AUTS2: variants seen among roughly 807,000 people sequenced by gnomAD.
AUTS2 encodes the protein autism susceptibility gene 2 protein.
Under a neutral mutation model 112.4 loss-of-function variants are expected in AUTS2, and 17 were observed. That is an observed-to-expected ratio of 0.15 (90% CI 0.10 to 0.23). AUTS2 has a LOEUF of 0.23. AUTS2 is among the 10% of genes least tolerant of loss of function. The pLI, the probability that AUTS2 is intolerant of heterozygous loss-of-function variation, is 1.00. For missense variants in AUTS2, 1,510 were observed against 1,701.6 expected (o/e 0.89, Z 1.98); for synonymous variants, 751 against 702.7 (o/e 1.07, Z -1.09).
At chr7:70,776,009 C>T (rs1022422776) in intron 13 of AUTS2, among the ~76,000 whole-genome samples, 9 of 152,112 alleles carry the variant, frequency 5.9e-5, no homozygotes, top group Non-Finnish European at 1.0e-4. Context: ...TAACTCATTT[C>T]TAGGGCACAT....
At chr7:70,125,245 ATGTGTGTGTGTGTGTGTG>A (rs59747508) in intron 3 of AUTS2, among the ~76,000 whole-genome samples, 15 of 144,906 alleles carry the variant, frequency 1.0e-4, no homozygotes, top group African/African-American at 2.5e-4. Flanking sequence ...TTATTTGGAG[ATGTGTGTGTGTGTGTGTG>A]TGTGTGTGTG....
intron 1 of AUTS2, among the ~76,000 whole-genome samples, chr7:69,757,222 T>C (rs1787979222): frequency 6.6e-6 from 1 of 152,214 alleles, no homozygotes; most frequent in Non-Finnish European, 1.5e-5. Context: ...TGTCTCTGCT[T>C]TCATGAAGCT....
At position 69,696,639 on chromosome 7, in the gene AUTS2, G is replaced by A. The variant is rs537034445; in HGVS notation, c.309+96677G>A. ...GAGAATGAGGAGATCTTTGCTGAAT[G>A]TCTTTTAGTTGTTTGAGTTGGAGAT... On this transcript the variant is annotated intron_variant, in intron 1 of 18. Coordinates refer to ENST00000342771, the MANE Select transcript of AUTS2 (RefSeq NM_015570.4). Among the ~76,000 whole-genome samples the A allele has an allele frequency of 2.6e-5, 4 of 152,280 alleles. No homozygotes were observed. In the South Asian group the frequency reaches 6.2e-4, roughly 24 times the overall value.
intron 1 of AUTS2, among the ~76,000 whole-genome samples, chr7:69,737,428 G>GGC (rs1787080976): frequency 6.6e-6 from 1 of 152,160 alleles, no homozygotes; most frequent in African/African-American, 2.4e-5. Flanking sequence ...CACCTAGCTA[G>GGC]TAAAAGTCGG....
rs6150156 is a variant in AUTS2, at chr7:69,602,040, A to ATG, written c.309+2130_309+2131dup. ...TGTGTGTATATATATATATATATAT[A>ATG]TGTGTGTGTGTGTGTGTGTGTGTGT... On this transcript the variant is annotated intron_variant, in intron 1 of 18. Coordinates refer to ENST00000342771, the MANE Select transcript of AUTS2 (RefSeq NM_015570.4). 4.4e-3 allele frequency among the ~76,000 whole-genome samples: 202 copies of ATG among 46,240 alleles called. 1 individual carries two copies. Among genetic ancestry groups the ATG allele is most frequent in the Middle Eastern group, 0.014 (1 of 74 alleles). 30.3% of individuals were successfully genotyped at this position (46,240 alleles called of 152,430 possible).
chr7:70,112,721 C>A (rs1024218441), intron 2 of AUTS2, among the ~76,000 whole-genome samples: 1 of 151,782 alleles, frequency 6.6e-6, no homozygotes, highest in African/African-American at 2.4e-5. Flanking sequence ...TTTTCCCTCT[C>A]TCTTTTTTTA....
chr7:69,742,066 T>TGCTG (rs777163942), intron 1 of AUTS2, among the ~76,000 whole-genome samples: 4 of 151,800 alleles, frequency 2.6e-5, no homozygotes, highest in African/African-American at 4.8e-5. Flanking sequence ...CCTCTGAAAG[T>TGCTG]GCTGGGATTA....
intron 2 of AUTS2, among the ~76,000 whole-genome samples, chr7:69,978,395 G>A (rs1328422963): frequency 6.6e-6 from 1 of 152,116 alleles, no homozygotes; most frequent in African/African-American, 2.4e-5. Flanking sequence ...AAAACTGTTA[G>A]CCATTTCAGC....
At chr7:70,287,713 A>G (rs892634716) in intron 4 of AUTS2, among the ~76,000 whole-genome samples, 1 of 152,186 alleles carries the variant, frequency 6.6e-6, no homozygotes, top group Admixed American at 6.5e-5. Flanking sequence ...ATTTTTGCAT[A>G]AAATAACTTG....
intron 1 of AUTS2, among the ~76,000 whole-genome samples, chr7:69,879,026 T>C (rs1302758241): frequency 1.3e-5 from 2 of 152,168 alleles, no homozygotes; most frequent in East Asian, 3.9e-4. Context: ...GGGCTTGTCC[T>C]TTTACTCTGA....
chr7:69,915,391 G>A (rs1217738247), intron 2 of AUTS2, among the ~76,000 whole-genome samples: 1 of 152,090 alleles, frequency 6.6e-6, no homozygotes. Flanking sequence ...AATAAGGTTC[G>A]CACATTTTTC....
intron 4 of AUTS2, among the ~76,000 whole-genome samples, chr7:70,165,971 T>A (rs1011497399): frequency 1.3e-5 from 2 of 152,134 alleles, no homozygotes; most frequent in Non-Finnish European, 2.9e-5. Flanking sequence ...GCGAGTGAGT[T>A]CTCATGAGAT....
intron 5 of AUTS2, among the ~76,000 whole-genome samples, chr7:70,440,211 G>A (rs1721590605): frequency 7.0e-6 from 1 of 142,700 alleles, no homozygotes; most frequent in Admixed American, 7.1e-5. Flanking sequence ...GGGCAACATA[G>A]TGAGGCCCTG....
At chr7:69,856,778 C>G (rs955348733) in intron 1 of AUTS2, among the ~76,000 whole-genome samples, 3 of 152,132 alleles carry the variant, frequency 2.0e-5, no homozygotes, top group African/African-American at 7.2e-5. Context: ...CCTTGTTGTA[C>G]CCTTGTTTCT....
At chr7:70,285,729 T>G (rs1423760611) in intron 4 of AUTS2, among the ~76,000 whole-genome samples, 1 of 152,228 alleles carries the variant, frequency 6.6e-6, no homozygotes, top group Non-Finnish European at 1.5e-5. Context: ...TGTTTGTGTA[T>G]GTCTTTGTAT....
rs117073937 is a variant in AUTS2 at position 69,904,366 on chromosome 7, C to T, written c.522+4868C>T. Among the ~76,000 whole-genome samples, 220 of 152,302 alleles carry T rather than the reference C, an allele frequency of 1.4e-3. 1 individual carries two copies. Among genetic ancestry groups the T allele is most frequent in the East Asian group, 8.7e-3 (45 of 5,180 alleles). On this transcript the variant is annotated intron_variant, in intron 2 of 18. Transcript: ENST00000342771. ...TTTATAATGGAAAACTTTGATTAAA[C>T]GGATCCAGTTCAAGTCTCGTTTCTG...
At chr7:69,722,875 C>A (rs1451885812) in intron 1 of AUTS2, among the ~76,000 whole-genome samples, 8 of 150,682 alleles carry the variant, frequency 5.3e-5, no homozygotes, top group Non-Finnish European at 1.0e-4. Flanking sequence ...AATATGGTAA[C>A]ACCAAAGCAT....
At chr7:70,729,131 C>G (rs1332305010) in intron 6 of AUTS2, 4 of 456,318 alleles carry the variant, frequency 8.8e-6, no homozygotes, top group Non-Finnish European at 1.8e-5. Context: ...CGGCCACACC[C>G]TCCATCACTC....
intron 4 of AUTS2, among the ~76,000 whole-genome samples, chr7:70,245,144 G>GTGTGCATATATATATATATATATATA (rs1233136341): frequency 9.2e-6 from 1 of 108,998 alleles, no homozygotes; most frequent in African/African-American, 4.2e-5. Flanking sequence ...GTGTGTGTGT[G>GTGTGCATATATATATATATATATATA]TATATATATA....
Sources: allele counts gnomAD v4.1 joint callset (sites outside exome capture counted in the v4.1 genomes callset), GRCh38; gene constraint gnomAD v4.1.1; transcripts MANE v1.5; gene names NCBI Gene and HGNC (gene_info 2026-07-23, HGNC 2026-07-21).